Variants in CNTNAP2 observed in about 807,000 individuals in gnomAD.
CNTNAP2 encodes contactin-associated protein-like 2.
A neutral mutation model predicts 155.2 loss-of-function variants in CNTNAP2; 98 were observed. That is an observed-to-expected ratio of 0.63 (90% CI 0.54 to 0.75). CNTNAP2 has a LOEUF of 0.75. Among genes scored for constraint, CNTNAP2 ranks in the 30% least tolerant of loss-of-function variants. The pLI, the probability that CNTNAP2 is intolerant of heterozygous loss-of-function variation, is 0.00. For synonymous variants in CNTNAP2, 651 were observed against 631.2 expected (o/e 1.03, Z -0.47); for missense variants, 1,727 against 1,688.1 (o/e 1.02, Z -0.40).
At chr7:148,214,880 T>G (rs1298436256) in intron 18 of CNTNAP2, among the ~76,000 whole-genome samples, 1 of 152,218 alleles carries the variant, frequency 6.6e-6, no homozygotes, top group Non-Finnish European at 1.5e-5. Context: ...AGGAGAATTC[T>G]TAATTGCATA....
chr7:148,092,879 T>TAAAAAAAAAA (rs11321148), intron 15 of CNTNAP2, among the ~76,000 whole-genome samples: 1 of 122,724 alleles, frequency 8.1e-6, no homozygotes. Context: ...AGTCTCAATT[T>TAAAAAAAAAA]AAAAAAAAAA....
intron 1 of CNTNAP2, among the ~76,000 whole-genome samples, chr7:146,716,846 A>G (rs1801196708): frequency 6.6e-6 from 1 of 152,252 alleles, no homozygotes; most frequent in Non-Finnish European, 1.5e-5. Context: ...CTTGGACTAG[A>G]TAACTGCTAG....
intron 10 of CNTNAP2, among the ~76,000 whole-genome samples, chr7:147,467,383 A>T (rs1402453075): frequency 6.6e-6 from 1 of 152,246 alleles, no homozygotes; most frequent in African/African-American, 2.4e-5. Context: ...CACTTCCTTT[A>T]AATCATTTCA....
chr7:147,923,861 G>T lies in CNTNAP2; in HGVS notation c.2255+20140G>T, dbSNP rs1042792860. Among the ~76,000 whole-genome samples, 4 of 152,108 alleles carry T rather than the reference G, an allele frequency of 2.6e-5. 1 individual carries two copies. Among genetic ancestry groups the T allele is most frequent in the African/African-American group, 4.8e-5 (2 of 41,436 alleles). ...GAGCCTTCAGAAAAAAACGTAGTCTGCAAACACCTTGATTTCAGACTTCTA... is the reference window on the plus strand; with the variant it reads ...GAGCCTTCAGAAAAAAACGTAGTCTTCAAACACCTTGATTTCAGACTTCTA... On this transcript the variant is annotated intron_variant, in intron 14 of 23. Coordinates refer to ENST00000361727, the MANE Select transcript of CNTNAP2 (RefSeq NM_014141.6).
rs954616577 is a variant in CNTNAP2 at position 148,130,687 on chromosome 7, C to G, written c.2554+12399C>G. Among the ~76,000 whole-genome samples, 8 of 152,342 alleles carry G rather than the reference C, an allele frequency of 5.3e-5. No individual in the cohort carries two copies. In the South Asian group the frequency reaches 1.2e-3, roughly 24 times the overall value. On this transcript the variant is annotated intron_variant, in intron 16 of 23. Coordinates refer to ENST00000361727, the MANE Select transcript of CNTNAP2 (RefSeq NM_014141.6). ...CACCCACCAGCACCATGTGCCACAG[C>G]CTCAGCTATGTCCAGCTACTGATAT...
At chr7:147,684,563 G>A (rs75621293) in intron 13 of CNTNAP2, among the ~76,000 whole-genome samples, 4,331 of 151,824 alleles carry the variant, frequency 0.029, 93 homozygotes, top group Middle Eastern at 0.11. Flanking sequence ...GTAAAATTAC[G>A]CTATTTATTA....
chr7:147,292,869 A>C (rs1443122232), intron 8 of CNTNAP2, among the ~76,000 whole-genome samples: 1 of 152,188 alleles, frequency 6.6e-6, no homozygotes, highest in Non-Finnish European at 1.5e-5. Flanking sequence ...TCCCTAGTTC[A>C]GGTGATTCTC....
intron 13 of CNTNAP2, among the ~76,000 whole-genome samples, chr7:147,876,758 G>T (rs1215884831): frequency 1.3e-5 from 2 of 151,976 alleles, no homozygotes; most frequent in African/African-American, 4.8e-5. Context: ...GCTTATTATT[G>T]GTGTGATGTT....
rs1465250562 is a variant in CNTNAP2, at chr7:146,116,964, T to A, written c.88T>A (p.Ser30Thr). The A allele has an allele frequency of 1.3e-6, 2 of 1,551,574 alleles. No individual in the cohort carries two copies. The highest frequency in any genetic ancestry group is 1.9e-5 in the Admixed American group (1 of 51,328). Residue 30 changes from serine to threonine, a missense_variant, in exon 1 of 24, where the codon TCC (serine) becomes ACC (threonine). By Grantham distance (58) the Ser-to-Thr change is moderately conservative (BLOSUM62 1). Coordinates refer to ENST00000361727, the MANE Select transcript of CNTNAP2 (RefSeq NM_014141.6). This position sits in a 1 kb window ranked among gnomAD's most constrained non-coding sequence, Gnocchi z 5.5. ...CCTCTGCAGAGCCTGGACGGCTCCC[T>A]CCACGTCCCGTAAGTAGCCGTCTCC... ...SCLCRAWTAPSTSQKCDEPLV... is the reference protein window; with the variant it reads ...SCLCRAWTAPTTSQKCDEPLV...
chr7:147,939,049 C>T (rs532157300), intron 14 of CNTNAP2, among the ~76,000 whole-genome samples: 73 of 152,212 alleles, frequency 4.8e-4, no homozygotes, highest in Non-Finnish European at 9.3e-4. Flanking sequence ...TTCCCTAGCT[C>T]AAGGGTTCAC....
At chr7:147,150,904 G>A (rs1801812462) in intron 8 of CNTNAP2, among the ~76,000 whole-genome samples, 1 of 152,126 alleles carries the variant, frequency 6.6e-6, no homozygotes, top group Admixed American at 6.6e-5. Flanking sequence ...AAACCCAAAG[G>A]ACTATAAAGA....
chr7:147,160,395 G>A (rs1450378002), intron 8 of CNTNAP2, among the ~76,000 whole-genome samples: 1 of 151,946 alleles, frequency 6.6e-6, no homozygotes, highest in Admixed American at 6.6e-5. Flanking sequence ...AATGTTGCTG[G>A]GAGTTTATAA....
intron 11 of CNTNAP2, among the ~76,000 whole-genome samples, chr7:147,499,533 A>T (rs559065962): frequency 6.6e-5 from 10 of 152,236 alleles, no homozygotes; most frequent in African/African-American, 2.4e-4. Context: ...TGTCTCAAAA[A>T]AAAAATACCG....
At chr7:148,008,834 C>T (rs1802022513) in intron 15 of CNTNAP2, among the ~76,000 whole-genome samples, 1 of 152,318 alleles carries the variant, frequency 6.6e-6, no homozygotes, top group Non-Finnish European at 1.5e-5. Flanking sequence ...TTTCTTGATG[C>T]ACTTTTATCT....
intron 15 of CNTNAP2, among the ~76,000 whole-genome samples, chr7:147,995,304 G>A (rs2707555): frequency 0.056 from 8,540 of 152,174 alleles, 315 homozygotes; most frequent in South Asian, 0.13. Flanking sequence ...AATCTAACTT[G>A]GTGGGCCAGC....
At chr7:147,591,966 C>G (rs58197456) in intron 12 of CNTNAP2, among the ~76,000 whole-genome samples, 3,022 of 152,320 alleles carry the variant, frequency 0.02, 99 homozygotes, top group African/African-American at 0.069. Context: ...AAGCATGGCT[C>G]AATGTCATCT....
At chr7:148,322,020 C>T (rs1797796978) in intron 21 of CNTNAP2, among the ~76,000 whole-genome samples, 1 of 151,856 alleles carries the variant, frequency 6.6e-6, no homozygotes, top group South Asian at 2.1e-4. Context: ...TCTCATGCCT[C>T]AGCACCCGTC....
intron 1 of CNTNAP2, among the ~76,000 whole-genome samples, chr7:146,313,097 A>G (rs898483430): frequency 7.2e-5 from 11 of 152,328 alleles, no homozygotes; most frequent in African/African-American, 2.4e-4. Context: ...TGAATCACAT[A>G]GTAATTCTAT....
At chr7:147,021,007 T>C (rs1301664966) in intron 3 of CNTNAP2, among the ~76,000 whole-genome samples, 1 of 152,150 alleles carries the variant, frequency 6.6e-6, no homozygotes, top group Non-Finnish European at 1.5e-5. Flanking sequence ...AGGTTTTGGA[T>C]GCATGCTTTT....
Sources: allele counts gnomAD v4.1 joint callset (sites outside exome capture counted in the v4.1 genomes callset), GRCh38; gene constraint gnomAD v4.1.1; non-coding constraint Gnocchi (gnomAD v3.1); transcripts MANE v1.5; gene names NCBI Gene and HGNC (gene_info 2026-07-23, HGNC 2026-07-21).